Variants in TRMT9B observed in about 807,000 individuals in gnomAD.
The protein encoded by TRMT9B is probable tRNA methyltransferase 9B.
Under a neutral mutation model 11.5 loss-of-function variants are expected in TRMT9B, and 16 were observed. The observed-to-expected ratio is 1.39, with a 90% CI of 0.94 to 2.11. The LOEUF (loss-of-function observed/expected upper bound fraction) is 2.11, where lower values mean the gene tolerates loss of function less well. TRMT9B is among the 30% of genes most tolerant of loss of function. The pLI, the probability that TRMT9B is intolerant of heterozygous loss-of-function variation, is 0.00. For synonymous variants in TRMT9B, 274 were observed against 192.4 expected (o/e 1.42, Z -3.51); for missense variants, 941 against 553.8 (o/e 1.70, Z -7.02).
chr8:12,960,578 T>G (rs2946498), intron 1 of TRMT9B: 56,183 of 152,078 alleles, frequency 0.37, 10,911 homozygotes, highest in East Asian at 0.68. Flanking sequence ...AATAGGTGAA[T>G]GGATAAACAA....
At position 12,980,704 on chromosome 8, in the gene TRMT9B, G is replaced by C. The variant is rs147516145; in HGVS notation, c.-199-10130G>C. Among the ~76,000 whole-genome samples, 5 of 152,286 alleles carry C rather than the reference G, an allele frequency of 3.3e-5. No homozygotes were observed. The East Asian group carries it at 9.6e-4, about 29-fold the overall frequency. ...GAGACGAATCCTACATGGGACACAA[G>C]AAAAGCTTCGTGACACAAGCTGAAC... On this transcript the variant is annotated intron_variant, in intron 1 of 4. Transcript: ENST00000524591.
rs1227918158 is a variant in TRMT9B, at chr8:13,025,112, T to C, written c.*3068T>C. 1.8e-5 allele frequency: 3 copies of C among 167,008 alleles called. No individual in the cohort carries two copies. Among genetic ancestry groups the C allele is most frequent in the Non-Finnish European group, 4.4e-5 (3 of 68,108 alleles). 10.3% of individuals were successfully genotyped at this position (167,008 alleles called of 1,614,324 possible). On this transcript the variant is annotated 3_prime_UTR_variant, in exon 5 of 5. Coordinates refer to ENST00000524591, the MANE Select transcript of TRMT9B (RefSeq NM_020844.3). ...TGATCACTTACTTCCTTATTAATAC[T>C]AGATCACACAGTGTCTTTCTTATTC...
intron 3 of TRMT9B, chr8:13,007,443 G>C (rs111619405): frequency 6.6e-6 from 1 of 152,160 alleles, no homozygotes; most frequent in Non-Finnish European, 1.5e-5. Flanking sequence ...ATTGCATGCT[G>C]ACTGCACCTA....
chr8:12,969,100 C>A (rs1000361975), intron 1 of TRMT9B, among the ~76,000 whole-genome samples: 6 of 152,132 alleles, frequency 3.9e-5, no homozygotes, highest in Non-Finnish European at 8.8e-5. Flanking sequence ...GTAATTCTAG[C>A]TACTCGGGAG....
At chr8:12,977,493 G>A (rs532876741) in intron 1 of TRMT9B, among the ~76,000 whole-genome samples, 1 of 152,090 alleles carries the variant, frequency 6.6e-6, no homozygotes, top group Non-Finnish European at 1.5e-5. Flanking sequence ...ACGAGGTCGA[G>A]AAATCGAGAC....
At chr8:13,014,918 G>T (rs964216560) in intron 4 of TRMT9B, among the ~76,000 whole-genome samples, 1 of 151,926 alleles carries the variant, frequency 6.6e-6, no homozygotes, top group African/African-American at 2.4e-5. Context: ...AAAATTAGCC[G>T]GGCATGGTGG....
At position 12,993,593 on chromosome 8, in the gene TRMT9B, A is replaced by G. The variant is rs114140903; in HGVS notation, c.-2+2562A>G. Among the ~76,000 whole-genome samples, 503 of 152,318 alleles carry G rather than the reference A, an allele frequency of 3.3e-3. 6 individuals are homozygous for G. The highest frequency in any genetic ancestry group is 0.011 in the African/African-American group (444 of 41,576). The stretch of plus-strand genomic sequence containing the variant: ...GATACTAGGGGATGGCAGTACAAAC[A>G]GAAAGACAGAAAGGGGGCAAAGGTG... On this transcript the variant is annotated intron_variant, in intron 2 of 4. Coordinates refer to ENST00000524591, the MANE Select transcript of TRMT9B (RefSeq NM_020844.3).
At chr8:12,964,249 G>A (rs1028872312) in intron 1 of TRMT9B, among the ~76,000 whole-genome samples, 1 of 152,082 alleles carries the variant, frequency 6.6e-6, no homozygotes, top group East Asian at 1.9e-4. Context: ...CAACATCATT[G>A]ACATGGGGTA....
chr8:12,994,637 T>A (rs1426363502), intron 2 of TRMT9B, among the ~76,000 whole-genome samples: 5 of 152,236 alleles, frequency 3.3e-5, no homozygotes, highest in Non-Finnish European at 7.3e-5. Context: ...AACCCTTGAA[T>A]TGATTCTTCT....
At chr8:13,009,669 A>T (rs1811218842) in intron 3 of TRMT9B, among the ~76,000 whole-genome samples, 2 of 152,290 alleles carry the variant, frequency 1.3e-5, no homozygotes, top group South Asian at 4.1e-4. Flanking sequence ...AACAATTATA[A>T]TTATACACCT....
At chr8:12,988,171 C>T (rs768860050) in intron 1 of TRMT9B, among the ~76,000 whole-genome samples, 12 of 152,142 alleles carry the variant, frequency 7.9e-5, no homozygotes, top group Non-Finnish European at 1.5e-4. Context: ...CCCCACTCAT[C>T]TTTTGAACTT....
intron 3 of TRMT9B, 23 bp from the exon 4 acceptor site, chr8:13,012,661 T>G (rs768448093): frequency 6.3e-7 from 1 of 1,596,224 alleles, no homozygotes; most frequent in Non-Finnish European, 8.6e-7. Flanking sequence ...GGATAGCATG[T>G]AACGCAGGTT....
In TRMT9B at chr8:13,028,844, G is replaced by A. The variant is rs944472499; in HGVS notation, c.*6800G>A. On this transcript the variant is annotated 3_prime_UTR_variant, in exon 5 of 5. Coordinates refer to ENST00000524591, the MANE Select transcript of TRMT9B (RefSeq NM_020844.3). ...GAGCTAATCATACCACTTCTAACTAGATTTTCTATTAATGTACAAGGAGGG... is the reference window on the plus strand; with the variant it reads ...GAGCTAATCATACCACTTCTAACTAAATTTTCTATTAATGTACAAGGAGGG... 1.2e-5 allele frequency: 2 copies of A among 166,530 alleles called. No homozygotes were observed. The highest frequency in any genetic ancestry group is 1.3e-4 in the Admixed American group (2 of 15,236). 10.3% of individuals were successfully genotyped at this position (166,530 alleles called of 1,614,324 possible). A position where few individuals can be genotyped will look rare whatever the true frequency, so the allele number is the denominator to read the frequency against.
At chr8:13,010,993 CT>C (rs1811497824) in intron 3 of TRMT9B, 1 of 887,072 alleles carries the variant, frequency 1.1e-6, no homozygotes, top group Non-Finnish European at 1.3e-6. Flanking sequence ...TTTTCTTTTT[CT>C]TTTTTGAGAC....
At chr8:13,002,134 G>A (rs573619263) in intron 2 of TRMT9B, among the ~76,000 whole-genome samples, 1 of 152,228 alleles carries the variant, frequency 6.6e-6, no homozygotes, top group South Asian at 2.1e-4. Context: ...GTTACCCGAT[G>A]GTAGTAGAGG....
At chr8:12,991,487 A>T (rs1270778970) in intron 2 of TRMT9B, among the ~76,000 whole-genome samples, 1 of 152,198 alleles carries the variant, frequency 6.6e-6, no homozygotes, top group Non-Finnish European at 1.5e-5. Context: ...ATTGTAGTTT[A>T]AGTGTGTCTT....
intron 1 of TRMT9B, among the ~76,000 whole-genome samples, chr8:12,947,821 GA>G (rs1199456111): frequency 2.0e-5 from 3 of 152,216 alleles, no homozygotes; most frequent in Admixed American, 6.5e-5. Flanking sequence ...GGACATGCTA[GA>G]TAGCTCCTTT....
At position 12,981,409 on chromosome 8, in the gene TRMT9B, C is replaced by T. The variant is rs146408892; in HGVS notation, c.-199-9425C>T. ...TGTGGGGGGCTTTAGGCGACATGCT[C>T]AGGTATTTGGACTTTCTCTTTAGAG... On this transcript the variant is annotated intron_variant, in intron 1 of 4. Transcript: ENST00000524591. 3.2e-4 allele frequency among the ~76,000 whole-genome samples: 49 copies of T among 152,204 alleles called. 1 individual carries two copies. The East Asian group carries it at 9.1e-3, about 28-fold the overall frequency.
At chr8:12,996,812 A>G (rs962169929) in intron 2 of TRMT9B, among the ~76,000 whole-genome samples, 2 of 152,114 alleles carry the variant, frequency 1.3e-5, no homozygotes, top group Non-Finnish European at 2.9e-5. Flanking sequence ...AGATCAAGAA[A>G]CAGAACATTA....
Sources: gnomAD v4.1 joint callset for allele counts (sites outside exome capture counted in the v4.1 genomes callset) on GRCh38, gnomAD v4.1.1 for gene constraint, MANE v1.5 for transcripts, NCBI Gene and HGNC (gene_info 2026-07-23, HGNC 2026-07-21) for gene names.